Variants in MARK1 observed in about 807,000 individuals in gnomAD.
The protein encoded by MARK1 is serine/threonine-protein kinase MARK1.
Under a neutral mutation model 96.3 loss-of-function variants are expected in MARK1, and 40 were observed. That is an observed-to-expected ratio of 0.42 (90% CI 0.32 to 0.54). The LOEUF is 0.54. MARK1 is among the 20% of genes least tolerant of loss of function. The probability of loss-of-function intolerance (pLI) is 0.16; values close to 1 mark genes in which losing one functional copy is unlikely to be tolerated. For missense variants in MARK1, 719 were observed against 984.6 expected (o/e 0.73, Z 3.61); for synonymous variants, 317 against 341.2 (o/e 0.93, Z 0.78).
At chr1:220,619,136 T>A (rs1397539189) in intron 9 of MARK1, among the ~76,000 whole-genome samples, 1 of 152,222 alleles carries the variant, frequency 6.6e-6, no homozygotes, top group Non-Finnish European at 1.5e-5. Context: ...AAAATTCTAA[T>A]CTAATGAATA....
intron 6 of MARK1, among the ~76,000 whole-genome samples, chr1:220,605,830 C>G (rs540014974): frequency 2.6e-5 from 4 of 152,232 alleles, no homozygotes; most frequent in African/African-American, 7.2e-5. Flanking sequence ...CACGTCCCTG[C>G]AAAGGACAGA....
In MARK1 at chr1:220,650,660, CAT is replaced by C; in HGVS notation, c.1514_1515del (p.Tyr505CysfsTer3). The C allele has an allele frequency of 6.2e-7, 1 of 1,613,322 alleles. No homozygotes were observed. The highest frequency in any genetic ancestry group is 8.5e-7 in the Non-Finnish European group (1 of 1,179,556). The stretch of plus-strand genomic sequence containing the variant: ...GGAGGTAGCATGGCAAGAAGGAATA[CAT>C]ATGTCTGTGAAAGGACCACAGATCG... On this transcript the variant is annotated frameshift_variant, in exon 14 of 18. Coordinates refer to ENST00000366917, the MANE Select transcript of MARK1 (RefSeq NM_018650.5). LOFTEE classifies it high-confidence loss of function.
At chr1:220,555,138 G>A (rs1051914677) in intron 1 of MARK1, among the ~76,000 whole-genome samples, 9 of 152,214 alleles carry the variant, frequency 5.9e-5, no homozygotes, top group East Asian at 1.9e-4. Flanking sequence ...AGTCCAAAAC[G>A]TCATTGATCA....
chr1:220,557,383 ATGGT>A (rs1234955030), intron 1 of MARK1, among the ~76,000 whole-genome samples: 17 of 152,074 alleles, frequency 1.1e-4, no homozygotes, highest in African/African-American at 2.4e-5. Context: ...GAGACCAAAC[ATGGT>A]GAAACCCTGT....
Position 220,618,933 on chromosome 1 carries a change from C to A in MARK1, c.909+178C>A, listed in dbSNP as rs1666907476. 6.6e-6 allele frequency among the ~76,000 whole-genome samples: 1 copy of A among 152,148 alleles called. No individual in the cohort carries two copies. The highest frequency in any genetic ancestry group is 2.4e-5 in the African/African-American group (1 of 41,418). ...TCACTTTCAAAAGTTGCCACAGTAG[C>A]TGTCTCTAAAAACTATTATTTCCTC... is the stretch of plus-strand genomic sequence containing the variant. On this transcript the variant is annotated intron_variant, in intron 9 of 17. Transcript: ENST00000366917. This position sits in a 1 kb window ranked among gnomAD's most constrained non-coding sequence, Gnocchi z 4.6.
At chr1:220,566,983 TA>T (rs964036347) in intron 1 of MARK1, among the ~76,000 whole-genome samples, 24 of 152,158 alleles carry the variant, frequency 1.6e-4, no homozygotes, top group Non-Finnish European at 2.9e-5. Context: ...ATGAAAATTT[TA>T]AAAGTTCAAA....
At chr1:220,605,391 C>T (rs1666003636) in intron 6 of MARK1, among the ~76,000 whole-genome samples, 1 of 152,048 alleles carries the variant, frequency 6.6e-6, no homozygotes. Context: ...GGCATTCAAC[C>T]ACGTACTGTA....
At chr1:220,548,926 A>C (rs1661682324) in intron 1 of MARK1, among the ~76,000 whole-genome samples, 1 of 152,202 alleles carries the variant, frequency 6.6e-6, no homozygotes, top group Non-Finnish European at 1.5e-5. Flanking sequence ...GTTTTCTTTT[A>C]TTACCAGCTT....
intron 3 of MARK1, among the ~76,000 whole-genome samples, chr1:220,587,885 G>C (rs1210873507): frequency 6.6e-6 from 1 of 151,990 alleles, no homozygotes; most frequent in African/African-American, 2.4e-5. Context: ...TTGAGAAGAT[G>C]TATAGAGGGA....
At chr1:220,581,150 G>A in intron 3 of MARK1, 32 bp downstream of exon 3, 1 of 817,576 alleles carries the variant, frequency 1.2e-6, no homozygotes. Flanking sequence ...TAATTAAAAT[G>A]TGAGTTTATC....
chr1:220,634,404 C>T (rs1667835028), intron 11 of MARK1, among the ~76,000 whole-genome samples: 1 of 152,146 alleles, frequency 6.6e-6, no homozygotes, highest in Admixed American at 6.5e-5. Context: ...CCCTGCCCTA[C>T]CCCAGCACAA....
intron 1 of MARK1, among the ~76,000 whole-genome samples, chr1:220,566,753 T>G (rs942570390): frequency 3.3e-5 from 5 of 152,174 alleles, no homozygotes; most frequent in African/African-American, 1.2e-4. Context: ...AGAAAGTAGG[T>G]AAGTAGTTTC....
chr1:220,549,685 T>TAC (rs900169622), intron 1 of MARK1, among the ~76,000 whole-genome samples: 5 of 152,310 alleles, frequency 3.3e-5, no homozygotes, highest in South Asian at 4.1e-4. Context: ...GTGACATAGA[T>TAC]GTCCTCAGTG....
intron 1 of MARK1, among the ~76,000 whole-genome samples, chr1:220,560,932 TTTGTA>T (rs1178249290): frequency 6.6e-6 from 1 of 152,150 alleles, no homozygotes; most frequent in Admixed American, 6.5e-5. Flanking sequence ...AGGGAGCTCA[TTTGTA>T]TATGTGTGTA....
At chr1:220,568,707 T>C (rs1663231275) in intron 1 of MARK1, among the ~76,000 whole-genome samples, 1 of 152,184 alleles carries the variant, frequency 6.6e-6, no homozygotes, top group African/African-American at 2.4e-5. Context: ...TGTAACCTTC[T>C]GGAGATAGTC....
At chr1:220,610,394 C>T (rs569076978) in intron 6 of MARK1, among the ~76,000 whole-genome samples, 23 of 152,316 alleles carry the variant, frequency 1.5e-4, no homozygotes, top group African/African-American at 5.5e-4. Flanking sequence ...TGGTTTTCAG[C>T]TCCATCAGGT....
chr1:220,569,264 A>G (rs1319132659), intron 1 of MARK1, among the ~76,000 whole-genome samples: 3 of 152,120 alleles, frequency 2.0e-5, no homozygotes, highest in Non-Finnish European at 4.4e-5. Flanking sequence ...AGTATTTTAA[A>G]ATTAACCATT....
intron 1 of MARK1, among the ~76,000 whole-genome samples, chr1:220,558,133 A>AAAT (rs56212262): frequency 0.13 from 18,129 of 136,966 alleles, 1,215 homozygotes; most frequent in East Asian, 0.17. Context: ...ACCCTGTCTC[A>AAAT]AATAATAATA....
At position 220,639,852 on chromosome 1, in the gene MARK1, C is replaced by G. The variant is rs1668171803; in HGVS notation, c.1470+3826C>G. ...AATTTAGAGAGTAGTTATTTCTCCA[C>G]AAACTCATCAACAGGATATTATCAA... On this transcript the variant is annotated intron_variant, in intron 13 of 17. Transcript: ENST00000366917. Among the ~76,000 whole-genome samples the G allele has an allele frequency of 2.0e-5, 3 of 152,284 alleles. No individual in the cohort carries two copies. In the South Asian group the frequency reaches 6.2e-4, roughly 32 times the overall value.
Sources: allele counts gnomAD v4.1 joint callset (sites outside exome capture counted in the v4.1 genomes callset), GRCh38; gene constraint gnomAD v4.1.1; non-coding constraint Gnocchi (gnomAD v3.1); transcripts MANE v1.5; gene names NCBI Gene and HGNC (gene_info 2026-07-23, HGNC 2026-07-21).